ANO4: variants seen among roughly 807,000 people sequenced by gnomAD.
ANO4 encodes the protein anoctamin 4, also known as anoctamin-4.
In ANO4, 69 loss-of-function variants were observed where a neutral mutation model predicts 141.9. The observed-to-expected ratio is 0.49, with a 90% CI of 0.40 to 0.59. The LOEUF is 0.59. ANO4 is among the 20% of genes least tolerant of loss of function. The pLI, the probability that ANO4 is intolerant of heterozygous loss-of-function variation, is 0.00. For synonymous variants in ANO4, 350 were observed against 394.3 expected (o/e 0.89, Z 1.33); for missense variants, 894 against 1,162.2 (o/e 0.77, Z 3.36).
chr12:101,111,892 A>G (rs865851940), intron 24 of ANO4, among the ~76,000 whole-genome samples, 182 bp downstream of exon 24: 33 of 152,134 alleles, frequency 2.2e-4, no homozygotes, highest in African/African-American at 6.8e-4. Context: ...CAGCCAAAGA[A>G]AACATGTCCT....
At chr12:101,074,162 C>T (rs553700603) in intron 14 of ANO4, among the ~76,000 whole-genome samples, 37 of 152,232 alleles carry the variant, frequency 2.4e-4, no homozygotes, top group African/African-American at 7.5e-4. Context: ...AAGGTTAGAT[C>T]GCTGTAGCAC....
At chr12:101,062,820 C>A (rs537323574) in intron 14 of ANO4, among the ~76,000 whole-genome samples, 1 of 152,342 alleles carries the variant, frequency 6.6e-6, no homozygotes, top group East Asian at 1.9e-4. Flanking sequence ...GCTTGCTGGG[C>A]TCCGTAGGGG....
At chr12:100,960,724 A>G (rs2136234255) in intron 5 of ANO4, among the ~76,000 whole-genome samples, 1 of 152,330 alleles carries the variant, frequency 6.6e-6, no homozygotes, top group East Asian at 1.9e-4. Flanking sequence ...ATGGCTGTTA[A>G]TCTCTGCAGC....
At chr12:100,778,012 C>T (rs563950032) in intron 3 of ANO4, among the ~76,000 whole-genome samples, 110 of 151,474 alleles carry the variant, frequency 7.3e-4, no homozygotes, top group Middle Eastern at 6.8e-3. Context: ...CTCCGCCTCC[C>T]GGGTTCACAC....
intron 14 of ANO4, among the ~76,000 whole-genome samples, chr12:101,072,312 A>T (rs984904842): frequency 6.6e-6 from 1 of 152,162 alleles, no homozygotes; most frequent in South Asian, 2.1e-4. Context: ...ATCACTTCTT[A>T]CTTTCTATTA....
At chr12:100,951,322 C>G (rs144173311) in intron 5 of ANO4, among the ~76,000 whole-genome samples, 1 of 152,272 alleles carries the variant, frequency 6.6e-6, no homozygotes, top group East Asian at 1.9e-4. Flanking sequence ...ACCCAGCAAT[C>G]CCATTACTGT....
intron 14 of ANO4, among the ~76,000 whole-genome samples, chr12:101,053,544 A>G (rs757175997): frequency 1.3e-5 from 2 of 152,102 alleles, no homozygotes; most frequent in Non-Finnish European, 2.9e-5. Context: ...GTGATGGCTG[A>G]TGGTCCTTGG....
chr12:100,865,853 C>T (rs2038727579), intron 1 of ANO4, among the ~76,000 whole-genome samples: 1 of 152,130 alleles, frequency 6.6e-6, no homozygotes, highest in South Asian at 2.1e-4. Context: ...TTTATCTCCC[C>T]CAGGTCTGAA....
At chr12:101,031,007 CAA>C (rs2046952900) in intron 9 of ANO4, among the ~76,000 whole-genome samples, 1 of 152,120 alleles carries the variant, frequency 6.6e-6, no homozygotes. Context: ...ACCAGAGGTA[CAA>C]AGAGAAGCTG....
intron 13 of ANO4, among the ~76,000 whole-genome samples, chr12:101,047,058 T>C (rs1195788946): frequency 6.6e-6 from 1 of 152,188 alleles, no homozygotes; most frequent in African/African-American, 2.4e-5. Context: ...GAGACCAGCC[T>C]GGCCAACATG....
chr12:100,932,056 A>T (rs986626691), intron 3 of ANO4, among the ~76,000 whole-genome samples: 1 of 150,756 alleles, frequency 6.6e-6, no homozygotes, highest in South Asian at 2.1e-4. Context: ...TGAGTATCAG[A>T]TGCAATAACT....
At chr12:101,049,258 T>G (rs1383886921) in intron 14 of ANO4, among the ~76,000 whole-genome samples, 6 of 152,212 alleles carry the variant, frequency 3.9e-5, no homozygotes, top group Admixed American at 2.6e-4. Flanking sequence ...CTACTACCTT[T>G]AGACTTAGGC....
intron 1 of ANO4, among the ~76,000 whole-genome samples, chr12:100,889,925 C>G (rs998859433): frequency 6.6e-6 from 1 of 152,152 alleles, no homozygotes; most frequent in African/African-American, 2.4e-5. Flanking sequence ...TTTTTCATAT[C>G]ATAAATCCAT....
chr12:101,049,056 A>C (rs893577963), intron 14 of ANO4, among the ~76,000 whole-genome samples: 8 of 152,232 alleles, frequency 5.3e-5, no homozygotes, highest in Non-Finnish European at 1.0e-4. Flanking sequence ...ATATAGAAAA[A>C]CATCTCACAA....
At chr12:100,828,288 C>G (rs2036464982) in intron 1 of ANO4, among the ~76,000 whole-genome samples, 2 of 151,954 alleles carry the variant, frequency 1.3e-5, no homozygotes, top group South Asian at 4.1e-4. Context: ...TTGGATGCAT[C>G]TGGGTTCTTG....
chr12:100,765,699 A>T (rs2033048389), intron 3 of ANO4, among the ~76,000 whole-genome samples: 1 of 151,422 alleles, frequency 6.6e-6, no homozygotes. Context: ...TCAAAAAAAA[A>T]AAAAAGAGTT....
chr12:100,909,790 C>T (rs183958005), intron 2 of ANO4, among the ~76,000 whole-genome samples: 1 of 152,218 alleles, frequency 6.6e-6, no homozygotes, highest in Admixed American at 6.5e-5. Flanking sequence ...AGATATGTCA[C>T]CTGATGGCTA....
At chr12:100,939,656 T>C (rs187375853) in intron 4 of ANO4, among the ~76,000 whole-genome samples, 49 of 152,356 alleles carry the variant, frequency 3.2e-4, no homozygotes, top group African/African-American at 1.2e-3. Flanking sequence ...AAACAAAGTT[T>C]CAGTTTTTCT....
intron 5 of ANO4, among the ~76,000 whole-genome samples, chr12:100,960,175 G>C (rs551342493): frequency 1.3e-5 from 2 of 152,086 alleles, no homozygotes; most frequent in African/African-American, 4.8e-5. Flanking sequence ...GAGGAGAACC[G>C]ATGCCAGGGA....
Sources: gnomAD v4.1 joint callset for allele counts (sites outside exome capture counted in the v4.1 genomes callset) on GRCh38, gnomAD v4.1.1 for gene constraint, MANE v1.5 for transcripts, NCBI Gene and HGNC (gene_info 2026-07-23, HGNC 2026-07-21) for gene names.